GALNT17: variants seen among roughly 807,000 people sequenced by gnomAD.
GALNT17 encodes the protein UDP-GalNAc:polypeptide N-acetylgalactosaminyltransferase-like 3.
Under a neutral mutation model 63.7 loss-of-function variants are expected in GALNT17, and 29 were observed. That is an observed-to-expected ratio of 0.46 (90% CI 0.34 to 0.62). GALNT17 has a LOEUF of 0.62. Ranked by LOEUF, GALNT17 falls within the 20% of genes least tolerant of loss-of-function variation. GALNT17 has a pLI of 0.01. For missense variants in GALNT17, 603 were observed against 799.6 expected, an observed-to-expected ratio of 0.75 and a Z score of 2.97; for synonymous variants, 305 against 318.3, an observed-to-expected ratio of 0.96 and a Z score of 0.45.
Position 71,577,055 on chromosome 7 carries a change from G to A in GALNT17, c.1080+5653G>A, listed in dbSNP as rs374784288. Among the ~76,000 whole-genome samples the A allele has an allele frequency of 2.8e-4, 43 of 152,244 alleles. 1 individual carries two copies. The East Asian group carries it at 3.9e-3, about 14-fold the overall frequency. Reference sequence around the variant, plus strand: ...CCTAAAAAAGATTGAAATCATGTCCGTTGCAGCAACATGGATACAGTGAAA... The same window carrying A: ...CCTAAAAAAGATTGAAATCATGTCCATTGCAGCAACATGGATACAGTGAAA... On this transcript the variant is annotated intron_variant, in intron 6 of 10. Transcript: ENST00000333538.
chr7:71,225,754 A>G (rs1789669166), intron 1 of GALNT17, among the ~76,000 whole-genome samples: 1 of 152,248 alleles, frequency 6.6e-6, no homozygotes, highest in East Asian at 1.9e-4. Context: ...TTCCCCGGGA[A>G]AATTGGGTAT....
intron 1 of GALNT17, among the ~76,000 whole-genome samples, chr7:71,279,946 A>T (rs918197496): frequency 1.4e-4 from 21 of 151,902 alleles, no homozygotes; most frequent in Admixed American, 1.3e-4. Context: ...CCACTAAATG[A>T]TTTTTGTTTC....
At chr7:71,372,547 G>C (rs940048076) in intron 2 of GALNT17, among the ~76,000 whole-genome samples, 30 of 149,672 alleles carry the variant, frequency 2.0e-4, no homozygotes, top group Non-Finnish European at 1.9e-4. Flanking sequence ...TTCCTCCCGG[G>C]CTCAAGTGGT....
rs79759594 is a variant in GALNT17, at chr7:71,659,435, T to G, written c.1081-5976T>G. Reference sequence around the variant, plus strand: ...TTCCACTGATGGGTTGTCTTGGGGGTGTACAGTCTCACATGGCCTCACTCC... The same window carrying G: ...TTCCACTGATGGGTTGTCTTGGGGGGGTACAGTCTCACATGGCCTCACTCC... On this transcript the variant is annotated intron_variant, in intron 6 of 10. Transcript: ENST00000333538. 4.0e-4 allele frequency among the ~76,000 whole-genome samples: 61 copies of G among 152,294 alleles called. No homozygotes were observed. In the East Asian group the frequency reaches 8.3e-3, roughly 21 times the overall value.
chr7:71,435,760 C>T (rs1049090276), intron 5 of GALNT17, among the ~76,000 whole-genome samples: 1 of 152,208 alleles, frequency 6.6e-6, no homozygotes, highest in Non-Finnish European at 1.5e-5. Context: ...TGGCTCACGC[C>T]TGTAATCCCA....
Position 71,665,460 on chromosome 7 carries a change from C to G in GALNT17, c.1130C>G (p.Ala377Gly), listed in dbSNP as rs1278667044. 1.9e-6 allele frequency: 3 copies of G among 1,612,970 alleles called. No homozygotes were observed. In the African/African-American group the frequency reaches 4.0e-5, roughly 22 times the overall value. The part of the protein sequence containing the change: ...SMEVLPCSRV[A>G]HIERKKKPYN... Reference sequence around the variant, plus strand: ...GAGGTCCTTCCTTGCTCACGGGTGGCCCACATTGAGCGGAAGAAGAAGCCA... The same window carrying G: ...GAGGTCCTTCCTTGCTCACGGGTGGGCCACATTGAGCGGAAGAAGAAGCCA... Residue 377 changes from alanine to glycine, a missense_variant, in exon 7 of 11, where the codon GCC becomes GGC. Physicochemically the swap from Ala to Gly is moderately conservative, Grantham distance 60. Coordinates refer to ENST00000333538, the MANE Select transcript of GALNT17 (RefSeq NM_022479.3).
intron 2 of GALNT17, among the ~76,000 whole-genome samples, chr7:71,356,256 T>TA (rs1202125099): frequency 6.6e-6 from 1 of 152,206 alleles, no homozygotes; most frequent in Non-Finnish European, 1.5e-5. Flanking sequence ...GAGATTTGCT[T>TA]ACATTCATTA....
chr7:71,151,376 C>T (rs1360804056), intron 1 of GALNT17, among the ~76,000 whole-genome samples: 1 of 151,984 alleles, frequency 6.6e-6, no homozygotes, highest in Non-Finnish European at 1.5e-5. Flanking sequence ...AGTCCCAGCA[C>T]TTTGGGAGGC....
At chr7:71,586,371 G>T (rs377303487) in intron 6 of GALNT17, among the ~76,000 whole-genome samples, 1 of 152,134 alleles carries the variant, frequency 6.6e-6, no homozygotes, top group Non-Finnish European at 1.5e-5. Flanking sequence ...AGTCTTTGTC[G>T]TTTACTGAGA....
chr7:71,641,875 T>C (rs1288529228), intron 6 of GALNT17, among the ~76,000 whole-genome samples: 1 of 152,160 alleles, frequency 6.6e-6, no homozygotes, highest in Non-Finnish European at 1.5e-5. Context: ...GATGATGATG[T>C]TCTTGATAGT....
intron 5 of GALNT17, among the ~76,000 whole-genome samples, chr7:71,530,328 GCAA>G (rs1788695975): frequency 6.6e-6 from 1 of 151,920 alleles, no homozygotes; most frequent in Non-Finnish European, 1.5e-5. Flanking sequence ...TCTGTGCAAC[GCAA>G]CAACACACAC....
At chr7:71,686,209 C>T (rs1791355361) in intron 9 of GALNT17, among the ~76,000 whole-genome samples, 1 of 152,056 alleles carries the variant, frequency 6.6e-6, no homozygotes, top group Admixed American at 6.6e-5. Context: ...CCTGCCTAGG[C>T]CTCCCAAAGT....
intron 5 of GALNT17, among the ~76,000 whole-genome samples, chr7:71,534,812 A>T (rs1012186719): frequency 6.6e-6 from 1 of 152,062 alleles, no homozygotes; most frequent in African/African-American, 2.4e-5. Flanking sequence ...CTATGCAAAA[A>T]TCGGGCCAAT....
intron 2 of GALNT17, among the ~76,000 whole-genome samples, chr7:71,385,155 C>T (rs1246875595): frequency 1.3e-5 from 2 of 152,118 alleles, no homozygotes; most frequent in Non-Finnish European, 2.9e-5. Context: ...CCAGGAAGGC[C>T]TGCAGATCAG....
chr7:71,299,353 T>G (rs577883860), intron 1 of GALNT17, among the ~76,000 whole-genome samples: 1 of 152,226 alleles, frequency 6.6e-6, no homozygotes, highest in Non-Finnish European at 1.5e-5. Flanking sequence ...TGAAGTCACC[T>G]GCAATGTGCC....
chr7:71,149,483 C>A (rs891345407), intron 1 of GALNT17, among the ~76,000 whole-genome samples: 1 of 151,964 alleles, frequency 6.6e-6, no homozygotes, highest in East Asian at 1.9e-4. Flanking sequence ...GGGGGCGAAA[C>A]GTGTGCTGGG....
At chr7:71,291,641 G>A (rs1270527832) in intron 1 of GALNT17, among the ~76,000 whole-genome samples, 1 of 152,098 alleles carries the variant, frequency 6.6e-6, no homozygotes, top group Non-Finnish European at 1.5e-5. Context: ...TTTTGCTTTA[G>A]GAGAGGGGTT....
At chr7:71,583,660 C>T (rs2116903897) in intron 6 of GALNT17, among the ~76,000 whole-genome samples, 1 of 152,226 alleles carries the variant, frequency 6.6e-6, no homozygotes, top group South Asian at 2.1e-4. Flanking sequence ...TATTGCCATC[C>T]TCTTAAAGAA....
At chr7:71,203,048 T>C (rs1003309872) in intron 1 of GALNT17, among the ~76,000 whole-genome samples, 38 of 152,090 alleles carry the variant, frequency 2.5e-4, no homozygotes, top group Admixed American at 2.5e-3. Flanking sequence ...CCATCATCCA[T>C]TGATGGACAC....
Sources: allele counts gnomAD v4.1 joint callset (sites outside exome capture counted in the v4.1 genomes callset), GRCh38; gene constraint gnomAD v4.1.1; transcripts MANE v1.5; gene names NCBI Gene and HGNC (gene_info 2026-07-23, HGNC 2026-07-21).